Variants in AGXT2 observed in about 807,000 individuals in gnomAD.
AGXT2 encodes the protein alanine--glyoxylate aminotransferase 2, mitochondrial.
In AGXT2, 61 loss-of-function variants were observed where a neutral mutation model predicts 62.5. The ratio of observed to expected loss-of-function variants is 0.98; its 90% CI spans 0.79 to 1.21. The LOEUF is 1.21. Ranked by LOEUF, AGXT2 falls within the 50% of genes most tolerant of loss-of-function variation. AGXT2 has a pLI of 0.00. For missense variants in AGXT2, 666 were observed against 641.5 expected (o/e 1.04, Z -0.41); for synonymous variants, 243 against 218.7 (o/e 1.11, Z -0.98).
intron 7 of AGXT2, among the ~76,000 whole-genome samples, chr5:35,030,236 G>T (rs953202841): frequency 1.3e-5 from 2 of 152,148 alleles, no homozygotes; most frequent in African/African-American, 4.8e-5. Context: ...GGCCGGGCAT[G>T]GTGGCTCACG....
At chr5:35,030,869 T>A (rs1355084510) in intron 7 of AGXT2, among the ~76,000 whole-genome samples, 2 of 152,200 alleles carry the variant, frequency 1.3e-5, no homozygotes, top group African/African-American at 2.4e-5. Flanking sequence ...AATATTCAAA[T>A]ACGGCTTTAC....
intron 9 of AGXT2, among the ~76,000 whole-genome samples, chr5:35,020,991 A>C (rs1420669528): frequency 6.6e-6 from 1 of 152,224 alleles, no homozygotes; most frequent in Non-Finnish European, 1.5e-5. Context: ...AAAGAGAATA[A>C]AATACCTAGG....
intron 7 of AGXT2, among the ~76,000 whole-genome samples, chr5:35,029,146 A>G (rs1767472540): frequency 6.6e-6 from 1 of 152,224 alleles, no homozygotes; most frequent in East Asian, 1.9e-4. Context: ...TGTTTTTGGC[A>G]TCACTTGTGT....
chr5:35,012,864 C>T, intron 11 of AGXT2, 90 bp downstream of exon 11: 2 of 1,167,224 alleles, frequency 1.7e-6, no homozygotes, highest in South Asian at 2.6e-5. Flanking sequence ...CCTTTAACAA[C>T]TCAGCATGAT....
rs918585217 is a variant in AGXT2 at position 34,999,343 on chromosome 5, G to A, written c.1438-517C>T. 3.3e-5 allele frequency among the ~76,000 whole-genome samples: 5 copies of A among 152,212 alleles called. 1 individual carries two copies. The South Asian group carries it at 1.0e-3, about 32-fold the overall frequency. ...AATCCTCATTCACCCATTGTTTTCA[G>A]GTCTATTGCTCCACTCAGGTCTCCT... On this transcript the variant is annotated intron_variant, in intron 13 of 13. Transcript: ENST00000231420.
chr5:35,034,083 G>T (rs1767680079), intron 5 of AGXT2, among the ~76,000 whole-genome samples: 1 of 152,108 alleles, frequency 6.6e-6, no homozygotes, highest in Non-Finnish European at 1.5e-5. Flanking sequence ...CTTCAAATGA[G>T]TTCGAACAAT....
At chr5:35,007,268 T>C (rs1766461297) in intron 12 of AGXT2, among the ~76,000 whole-genome samples, 1 of 152,246 alleles carries the variant, frequency 6.6e-6, no homozygotes, top group Admixed American at 6.5e-5. Context: ...TCTTGGACTT[T>C]CCAGTCTCCA....
intron 6 of AGXT2, 105 bp downstream of exon 6, chr5:35,033,355 A>G (rs1767640620): frequency 1.1e-6 from 1 of 924,598 alleles, no homozygotes; most frequent in Middle Eastern, 2.1e-4. Flanking sequence ...CTGATTAATG[A>G]CAGGCTTTAT....
At chr5:35,004,060 A>G (rs534168552) in intron 12 of AGXT2, among the ~76,000 whole-genome samples, 199 bp from the exon 13 acceptor site, 2 of 152,166 alleles carry the variant, frequency 1.3e-5, no homozygotes, top group South Asian at 4.2e-4. Flanking sequence ...GGAGGATGTT[A>G]TTTAAAATGT....
chr5:35,017,833 T>C (rs1440782159), intron 9 of AGXT2, among the ~76,000 whole-genome samples: 1 of 152,148 alleles, frequency 6.6e-6, no homozygotes. Context: ...GAAAAAAATT[T>C]AGAAGAATGT....
chr5:35,034,119 C>G (rs1442219047), intron 5 of AGXT2, among the ~76,000 whole-genome samples: 1 of 152,038 alleles, frequency 6.6e-6, no homozygotes, highest in Non-Finnish European at 1.5e-5. Context: ...CACCTTTAAA[C>G]AAGGATTTAG....
At chr5:35,028,573 G>C (rs1767446449) in intron 7 of AGXT2, among the ~76,000 whole-genome samples, 1 of 50,280 alleles carries the variant, frequency 2.0e-5, no homozygotes, top group Non-Finnish European at 3.7e-5. Context: ...GAGAGAGAGA[G>C]AGAGAGAGAG....
At chr5:35,016,149 G>T (rs745867405) in intron 9 of AGXT2, among the ~76,000 whole-genome samples, 1 of 152,132 alleles carries the variant, frequency 6.6e-6, no homozygotes, top group African/African-American at 2.4e-5. Context: ...GTCTTCCTGC[G>T]TGTCTTTCTT....
chr5:35,007,264 A>G (rs1396647295), intron 12 of AGXT2, among the ~76,000 whole-genome samples: 1 of 152,232 alleles, frequency 6.6e-6, no homozygotes, highest in Non-Finnish European at 1.5e-5. Flanking sequence ...TTGTTCTTGG[A>G]CTTTCCAGTC....
intron 7 of AGXT2, among the ~76,000 whole-genome samples, chr5:35,031,692 A>G (rs1282246771): frequency 1.3e-5 from 2 of 152,196 alleles, no homozygotes; most frequent in Non-Finnish European, 2.9e-5. Flanking sequence ...TCCTTGTGAG[A>G]AAGCCTTTAA....
chr5:35,010,493 T>C (rs546937074), intron 11 of AGXT2, among the ~76,000 whole-genome samples: 5 of 151,666 alleles, frequency 3.3e-5, no homozygotes, highest in African/African-American at 9.7e-5. Context: ...GCCTGGCCAA[T>C]AGGGTGAAAC....
At chr5:35,019,897 A>G (rs991913808) in intron 9 of AGXT2, among the ~76,000 whole-genome samples, 6 of 152,356 alleles carry the variant, frequency 3.9e-5, no homozygotes, top group African/African-American at 9.6e-5. Context: ...GGATATCACC[A>G]CTGATCCCAC....
rs116382306 is a variant in AGXT2, at chr5:35,031,136, G to A, written c.769+1596C>T. 2.2e-3 allele frequency among the ~76,000 whole-genome samples: 333 copies of A among 152,224 alleles called. 1 individual carries two copies. The highest frequency in any genetic ancestry group is 6.3e-3 in the African/African-American group (263 of 41,526). ...TTTTTCAGCTTGGGTTTATCTTGACGGCACATCAGTGTGGATGAGGATGGC... is the reference window on the plus strand; with the variant it reads ...TTTTTCAGCTTGGGTTTATCTTGACAGCACATCAGTGTGGATGAGGATGGC... On this transcript the variant is annotated intron_variant, in intron 7 of 13. Coordinates refer to ENST00000231420, the MANE Select transcript of AGXT2 (RefSeq NM_031900.4).
chr5:35,036,072 G>A (rs866796333), intron 4 of AGXT2, among the ~76,000 whole-genome samples: 10 of 63,862 alleles, frequency 1.6e-4, no homozygotes, highest in East Asian at 9.9e-4. Flanking sequence ...GTGAGACTCC[G>A]TCTCAAAAAG....
Sources: gnomAD v4.1 joint callset for allele counts (sites outside exome capture counted in the v4.1 genomes callset) on GRCh38, gnomAD v4.1.1 for gene constraint, MANE v1.5 for transcripts, NCBI Gene and HGNC (gene_info 2026-07-23, HGNC 2026-07-21) for gene names.